SYNE2: variants seen among roughly 807,000 people sequenced by gnomAD.
SYNE2 encodes nesprin-2.
SYNE2 carries 431 observed loss-of-function variants against 856.3 expected under a neutral mutation model. That is an observed-to-expected ratio of 0.50 (90% CI 0.47 to 0.55). The LOEUF (loss-of-function observed/expected upper bound fraction) is 0.55. Among genes scored for constraint, SYNE2 ranks in the 20% least tolerant of loss-of-function variants. SYNE2 has a pLI of 0.00. For missense variants in SYNE2, 8,129 were observed against 8,023.2 expected, an observed-to-expected ratio of 1.01 and a Z score of -0.50; for synonymous variants, 2,923 against 2,872.3, an observed-to-expected ratio of 1.02 and a Z score of -0.56.
Position 63,978,862 on chromosome 14 carries a change from A to T in SYNE2, c.1417A>T (p.Ile473Phe). 6.2e-7 allele frequency: 1 copy of T among 1,612,722 alleles called. No homozygotes were observed. The highest frequency in any genetic ancestry group is 1.7e-5 in the Admixed American group (1 of 59,996). The change falls in exon 14 of 116, where the codon ATT becomes TTT. Residue 473 changes from isoleucine to phenylalanine, a missense_variant. Coordinates refer to ENST00000555002, the MANE Select transcript of SYNE2 (RefSeq NM_182914.3). ...LEEMKRRINNILEKKFILLLE... is the reference protein window; with the variant it reads ...LEEMKRRINNFLEKKFILLLE... ...TGCACTGTTTTCCAGAATCAACAAC[A>T]TTTTGGAGAAAAAATTTATTCTACT...
Position 63,929,578 on chromosome 14 carries a change from C to G in SYNE2, c.80-11036C>G, listed in dbSNP as rs551583141. 4.9e-3 allele frequency among the ~76,000 whole-genome samples: 747 copies of G among 152,160 alleles called. 4 individuals carry two copies. Among genetic ancestry groups the G allele is most frequent in the African/African-American group, 0.017 (688 of 41,516 alleles). ...CTGAGGTCAGGAGTTCAAGACCATC[C>G]TGGCCAACATGGTGAAACCCCGTCT... is the stretch of plus-strand genomic sequence containing the variant. On this transcript the variant is annotated intron_variant, in intron 2 of 115. Coordinates refer to ENST00000555002, the MANE Select transcript of SYNE2 (RefSeq NM_182914.3).
At chr14:63,807,859 AT>A (rs1888437756) in intron 1 of SYNE2, among the ~76,000 whole-genome samples, 1 of 99,988 alleles carries the variant, frequency 1.0e-5, no homozygotes, top group South Asian at 3.5e-4. Context: ...ATATATATAT[AT>A]ATATAATTTC....
In SYNE2 at chr14:64,163,338, A is replaced by G. The variant is rs1019701741; in HGVS notation, c.16300-64A>G. 6 of 1,574,848 alleles carry G rather than the reference A, an allele frequency of 3.8e-6. No individual in the cohort carries two copies. The African/African-American group carries it at 8.1e-5, about 21-fold the overall frequency. The stretch of plus-strand genomic sequence containing the variant: ...TTCTCCTAGATTTTGATGGAGCAGC[A>G]GCGGGTAGGGAATTGTGGTTTGAAA... On this transcript the variant is annotated intron_variant, in intron 88 of 115. Coordinates refer to ENST00000555002, the MANE Select transcript of SYNE2 (RefSeq NM_182914.3).
intron 84 of SYNE2, among the ~76,000 whole-genome samples, chr14:64,149,479 C>T (rs911437921): frequency 3.3e-5 from 5 of 152,134 alleles, no homozygotes; most frequent in African/African-American, 9.6e-5. Flanking sequence ...TGAAATATTC[C>T]GAAGGGCTTC....
chr14:64,193,731 T>C (rs1348572845), intron 99 of SYNE2, among the ~76,000 whole-genome samples: 1 of 151,976 alleles, frequency 6.6e-6, no homozygotes, highest in Non-Finnish European at 1.5e-5. Context: ...AAAAACCACA[T>C]TAGATTTCTG....
intron 57 of SYNE2, among the ~76,000 whole-genome samples, chr14:64,086,480 G>A (rs990157189): frequency 6.6e-6 from 1 of 152,022 alleles, no homozygotes; most frequent in Non-Finnish European, 1.5e-5. Context: ...GCTAAATCAA[G>A]GCCTTTGTAT....
intron 1 of SYNE2, among the ~76,000 whole-genome samples, chr14:63,894,627 T>A (rs879566608): frequency 1.3e-5 from 2 of 152,046 alleles, no homozygotes; most frequent in African/African-American, 4.8e-5. Context: ...AGAGAGGAGA[T>A]TGAGGGGCAG....
intron 96 of SYNE2, 145 bp downstream of exon 96, chr14:64,177,628 C>G (rs749395648): frequency 1.8e-6 from 2 of 1,086,042 alleles, no homozygotes; most frequent in Non-Finnish European, 2.8e-6. Flanking sequence ...ACATAACATG[C>G]TCGTCTCTTA....
At chr14:63,874,262 A>G (rs1313936181) in intron 1 of SYNE2, among the ~76,000 whole-genome samples, 1 of 152,192 alleles carries the variant, frequency 6.6e-6, no homozygotes, top group Non-Finnish European at 1.5e-5. Context: ...TAAACATTTA[A>G]AAATACTTTT....
intron 1 of SYNE2, among the ~76,000 whole-genome samples, chr14:63,791,837 C>T (rs1887743932): frequency 6.6e-6 from 1 of 151,150 alleles, no homozygotes; most frequent in African/African-American, 2.4e-5. Flanking sequence ...CCCAGCTACT[C>T]AGGAGGCTGA....
chr14:64,144,210 C>G (rs868829641), intron 83 of SYNE2, among the ~76,000 whole-genome samples: 3 of 152,090 alleles, frequency 2.0e-5, no homozygotes, highest in Non-Finnish European at 2.9e-5. Context: ...AGGAACATGT[C>G]AAGTATTATG....
At chr14:64,181,203 G>T (rs1567566267) in intron 96 of SYNE2, among the ~76,000 whole-genome samples, 1 of 152,106 alleles carries the variant, frequency 6.6e-6, no homozygotes, top group African/African-American at 2.4e-5. Context: ...AGAAGAAAAT[G>T]ATTCTAACAT....
At chr14:63,922,611 A>C (rs1187517007) in intron 2 of SYNE2, among the ~76,000 whole-genome samples, 1 of 152,206 alleles carries the variant, frequency 6.6e-6, no homozygotes, top group Non-Finnish European at 1.5e-5. Context: ...GCAACATGGC[A>C]AGACCCCATC....
At position 64,146,139 on chromosome 14, in the gene SYNE2, G is replaced by T. The variant is rs1452224776; in HGVS notation, c.15555G>T (p.Trp5185Cys). The change falls in exon 84 of 116, where the codon TGG (tryptophan) becomes TGT (cysteine). Residue 5185 changes from tryptophan to cysteine, a missense_variant. Around this residue, in one of 3 missense-constraint regions of SYNE2, gnomAD observed 5,410 missense variants for 5,284.8 expected, o/e 1.02. Coordinates refer to ENST00000555002, the MANE Select transcript of SYNE2 (RefSeq NM_182914.3). ...ATAAAATACAGATCTTGAACAACTG[G>T]CTGGAAGCACAAGAAGAGAGACTGA... ...SENKIQILNN[W>C]LEAQEERLKT... 6.2e-7 allele frequency: 1 copy of T among 1,611,444 alleles called. No individual in the cohort carries two copies. Among genetic ancestry groups the T allele is most frequent in the South Asian group, 1.1e-5 (1 of 90,574 alleles).
intron 16 of SYNE2, among the ~76,000 whole-genome samples, chr14:63,982,106 C>A (rs2096590042): frequency 6.6e-6 from 1 of 152,230 alleles, no homozygotes; most frequent in Non-Finnish European, 1.5e-5. Context: ...GGAGACACAA[C>A]AACATCCATC....
rs1245987237 is a variant in SYNE2, at chr14:64,219,397, T to C, written c.19847T>C (p.Val6616Ala). 1 of 1,613,724 alleles carries C rather than the reference T, an allele frequency of 6.2e-7. No individual in the cohort carries two copies. Among genetic ancestry groups the C allele is most frequent in the South Asian group, 1.1e-5 (1 of 91,042 alleles). ...PSDIQEIELR[V>A]KRLQEILKAF... ...GATATCCAGGAAATAGAACTGAGAG[T>C]GAAGAGACTGCAGGTGAGTTAGAGG... The change falls in exon 110 of 116, where the codon GTG becomes GCG. Residue 6616 changes from valine (V) to alanine (A), a missense_variant. Physicochemically the swap from Val to Ala is moderately conservative, Grantham distance 64 (BLOSUM62 0). Coordinates refer to ENST00000555002, the MANE Select transcript of SYNE2 (RefSeq NM_182914.3).
chr14:63,908,472 T>C (rs989983543), intron 1 of SYNE2, among the ~76,000 whole-genome samples: 2 of 151,864 alleles, frequency 1.3e-5, no homozygotes, highest in African/African-American at 2.4e-5. Flanking sequence ...TAAAAACTGC[T>C]CTCACTGGAA....
At chr14:64,024,543 G>A in intron 39 of SYNE2, 84 bp downstream of exon 39, 1 of 1,292,926 alleles carries the variant, frequency 7.7e-7, no homozygotes. Context: ...AGAGCACTGG[G>A]ATACGCAGTA....
At position 64,209,838 on chromosome 14, in the gene SYNE2, T is replaced by C. The variant is rs1401189067; in HGVS notation, c.18541-104T>C. The C allele has an allele frequency of 1.2e-5, 18 of 1,495,332 alleles. No individual in the cohort carries two copies. In the Admixed American group the frequency reaches 2.7e-4, roughly 23 times the overall value. 92.6% of individuals were successfully genotyped at this position (1,495,332 alleles called of 1,614,324 possible). A position where few individuals can be genotyped will look rare whatever the true frequency, so the allele number is the denominator to read the frequency against. On this transcript the variant is annotated intron_variant, in intron 102 of 115. Coordinates refer to ENST00000555002, the MANE Select transcript of SYNE2 (RefSeq NM_182914.3). Reference sequence around the variant, plus strand: ...ATTAGGCCCTCTGCTGCCATTGCAGTTTGGGGATGAACCCCTGGCAGCAGG... The same window carrying C: ...ATTAGGCCCTCTGCTGCCATTGCAGCTTGGGGATGAACCCCTGGCAGCAGG...
Sources: gnomAD v4.1 joint callset for allele counts (sites outside exome capture counted in the v4.1 genomes callset) on GRCh38, gnomAD v4.1.1 for gene constraint, gnomAD v4.1.1 regional missense constraint, MANE v1.5 for transcripts, NCBI Gene and HGNC (gene_info 2026-07-23, HGNC 2026-07-21) for gene names.